Variants in CMTR1 observed in about 807,000 individuals in gnomAD.
The protein encoded by CMTR1 is cap methyltransferase 1.
Under a neutral mutation model 107.0 loss-of-function variants are expected in CMTR1, and 39 were observed. The observed-to-expected ratio is 0.36, with a 90% CI of 0.28 to 0.48. CMTR1 has a LOEUF of 0.48. Among genes scored for constraint, CMTR1 ranks in the 20% least tolerant of loss-of-function variants. CMTR1 has a pLI of 0.99. For synonymous variants in CMTR1, 366 were observed against 379.5 expected (o/e 0.96, Z 0.41); for missense variants, 672 against 1,064.9 (o/e 0.63, Z 5.14).
At chr6:37,451,991 G>A in intron 6 of CMTR1, 114 bp downstream of exon 6, 1 of 802,112 alleles carries the variant, frequency 1.2e-6, no homozygotes, top group South Asian at 1.6e-5. Flanking sequence ...GATTTTTGCT[G>A]GAGATCAGAT....
intron 1 of CMTR1, among the ~76,000 whole-genome samples, chr6:37,433,934 A>C (rs1420990997): frequency 6.6e-6 from 1 of 152,128 alleles, no homozygotes; most frequent in African/African-American, 2.4e-5. Flanking sequence ...TGGTTTGGGG[A>C]GGAGCATCCG....
At chr6:37,478,317 T>C in intron 21 of CMTR1, 92 bp from the exon 22 acceptor site, 1 of 969,114 alleles carries the variant, frequency 1.0e-6, no homozygotes, top group South Asian at 1.3e-5. Context: ...CAGGATCAGA[T>C]ACTGCAGTTG....
At chr6:37,448,976 T>C (rs1771870219) in intron 4 of CMTR1, among the ~76,000 whole-genome samples, 1 of 152,206 alleles carries the variant, frequency 6.6e-6, no homozygotes, top group African/African-American at 2.4e-5. Flanking sequence ...GGTCTTGCGC[T>C]GTTGCCCAGG....
intron 2 of CMTR1, among the ~76,000 whole-genome samples, chr6:37,437,695 C>T (rs1418549272): frequency 6.6e-6 from 1 of 152,078 alleles, no homozygotes; most frequent in Non-Finnish European, 1.5e-5. Context: ...AAACTTACTG[C>T]ACGCGATGGT....
intron 13 of CMTR1, among the ~76,000 whole-genome samples, chr6:37,468,915 G>T (rs1439949393): frequency 6.6e-6 from 1 of 150,698 alleles, no homozygotes; most frequent in East Asian, 2.0e-4. Context: ...TAAAAATAAT[G>T]TATTTAGACT....
At chr6:37,469,521 CTTTTTTTTTTTTTT>C (rs763917812) in intron 13 of CMTR1, among the ~76,000 whole-genome samples, 1 of 61,616 alleles carries the variant, frequency 1.6e-5, no homozygotes, top group South Asian at 6.8e-4. Flanking sequence ...TTGTTTTATC[CTTTTTTTTTTTTTT>C]TTTTTTTTTT....
rs1035639366 is a variant in CMTR1, at chr6:37,480,250, G to A, written c.*105G>A. On this transcript the variant is annotated 3_prime_UTR_variant, in exon 24 of 24. Transcript: ENST00000373451. ...CTTCCCCCTCTTGAAAAGGGACTGG[G>A]GAGCATTGCACCTGGCATGAGGAGT... 29 of 1,528,228 alleles carry A rather than the reference G, an allele frequency of 1.9e-5. No homozygotes were observed. In the Admixed American group the frequency reaches 6.4e-4, roughly 34 times the overall value. The allele number at this position is 1,528,228 out of a possible 1,614,324, so 94.7% of individuals were successfully genotyped here.
chr6:37,455,327 C>A (rs1761269675), intron 8 of CMTR1, among the ~76,000 whole-genome samples: 1 of 152,168 alleles, frequency 6.6e-6, no homozygotes, highest in South Asian at 2.1e-4. Flanking sequence ...GATCCGCCTG[C>A]CTTGGCCTCC....
At chr6:37,467,838 ATTAAATATGT>A (rs1382672073) in intron 13 of CMTR1, among the ~76,000 whole-genome samples, 6 of 151,984 alleles carry the variant, frequency 3.9e-5, no homozygotes, top group African/African-American at 1.5e-4. Context: ...TGTCTTTATG[ATTAAATATGT>A]TTCTTATAGA....
Position 37,462,826 on chromosome 6 carries a change from C to T in CMTR1, c.1326-3C>T, listed in dbSNP as rs1294276573. 1 of 1,611,566 alleles carries T rather than the reference C, an allele frequency of 6.2e-7. No individual in the cohort carries two copies. The highest frequency in any genetic ancestry group is 1.7e-5 in the Admixed American group (1 of 59,998). ...GGTGGAGTGACAGAGTATCTTCTGC[C>T]AGGTATGTGGTGTGCAAGGGCCTGA... is the stretch of plus-strand genomic sequence containing the variant. On this transcript the variant is annotated splice_region_variant and splice_polypyrimidine_tract_variant and intron_variant, in intron 12 of 23. Transcript: ENST00000373451.
At chr6:37,464,402 G>A (rs1761461618) in intron 13 of CMTR1, among the ~76,000 whole-genome samples, 1 of 151,648 alleles carries the variant, frequency 6.6e-6, no homozygotes, top group Non-Finnish European at 1.5e-5. Flanking sequence ...AGGAGGCAGA[G>A]CTTGCAGTGA....
At chr6:37,448,351 T>A (rs1202971096) in intron 4 of CMTR1, among the ~76,000 whole-genome samples, 1 of 151,924 alleles carries the variant, frequency 6.6e-6, no homozygotes, top group Non-Finnish European at 1.5e-5. Flanking sequence ...AGCCTAGGAA[T>A]GTGGAGGACA....
intron 19 of CMTR1, 74 bp from the exon 20 acceptor site, chr6:37,476,052 A>G: frequency 6.9e-7 from 1 of 1,448,716 alleles, no homozygotes; most frequent in Non-Finnish European, 9.7e-7. Flanking sequence ...TGGAGCTGTG[A>G]AAATGCCCTG....
intron 13 of CMTR1, among the ~76,000 whole-genome samples, chr6:37,464,466 C>CAA (rs536711395): frequency 8.6e-6 from 1 of 116,918 alleles, no homozygotes; most frequent in Non-Finnish European, 1.8e-5. Context: ...GACTCCATCT[C>CAA]AAAAAAAAAA....
intron 2 of CMTR1, among the ~76,000 whole-genome samples, chr6:37,442,167 A>G (rs1036022845): frequency 6.6e-6 from 1 of 152,224 alleles, no homozygotes; most frequent in Non-Finnish European, 1.5e-5. Flanking sequence ...TATATGTAGC[A>G]TGATCTTTTA....
rs1463976144 is a variant in CMTR1, at chr6:37,453,004, T to G, written c.610-43T>G. ...GCACTGCAGGGTCTTAAGGTCCCTT[T>G]CCTATCCTGGAATTCACCTTGAGGT... On this transcript the variant is annotated intron_variant, in intron 6 of 23. Coordinates refer to ENST00000373451, the MANE Select transcript of CMTR1 (RefSeq NM_015050.3). 7 of 1,584,812 alleles carry G rather than the reference T, an allele frequency of 4.4e-6. No individual in the cohort carries two copies. In the African/African-American group the frequency reaches 8.1e-5, roughly 18 times the overall value.
intron 2 of CMTR1, among the ~76,000 whole-genome samples, chr6:37,442,164 A>T (rs748476090): frequency 6.6e-6 from 1 of 152,236 alleles, no homozygotes; most frequent in African/African-American, 2.4e-5. Context: ...CATTATATGT[A>T]GCATGATCTT....
intron 13 of CMTR1, among the ~76,000 whole-genome samples, chr6:37,463,245 C>T (rs1761438212): frequency 6.6e-6 from 1 of 152,212 alleles, no homozygotes; most frequent in Admixed American, 6.5e-5. Flanking sequence ...TAGTATAGGC[C>T]TGCCTGCAGG....
chr6:37,433,092 G>C (rs1191702856), upstream of CMTR1: 2 of 152,364 alleles, frequency 1.3e-5, no homozygotes, highest in African/African-American at 4.8e-5. Context: ...TTCCGCGCAG[G>C]CGCCCCTGGA....
Sources: gnomAD v4.1 joint callset for allele counts (sites outside exome capture counted in the v4.1 genomes callset) on GRCh38, gnomAD v4.1.1 for gene constraint, MANE v1.5 for transcripts, NCBI Gene and HGNC (gene_info 2026-07-23, HGNC 2026-07-21) for gene names.